SORCS1: variants seen among roughly 807,000 people sequenced by gnomAD.
SORCS1 encodes VPS10 domain-containing receptor SorCS1.
In SORCS1, 60 loss-of-function variants were observed where a neutral mutation model predicts 146.1. The observed-to-expected ratio is 0.41, with a 90% confidence interval of 0.33 to 0.51. The LOEUF (loss-of-function observed/expected upper bound fraction) is 0.51, where lower values mean the gene tolerates loss of function less well. SORCS1 is among the 20% of genes least tolerant of loss of function. The pLI is 0.21. For missense variants in SORCS1, 1,352 were observed against 1,487.6 expected (o/e 0.91, Z 1.50); for synonymous variants, 637 against 584.0 (o/e 1.09, Z -1.31).
intron 18 of SORCS1, among the ~76,000 whole-genome samples, chr10:106,644,889 T>C (rs1849311427): frequency 6.6e-6 from 1 of 152,208 alleles, no homozygotes; most frequent in Non-Finnish European, 1.5e-5. Flanking sequence ...GTTTAGATTG[T>C]TTCCAGTGAG....
chr10:107,017,917 T>C (rs750687869), intron 1 of SORCS1, among the ~76,000 whole-genome samples: 6 of 152,162 alleles, frequency 3.9e-5, no homozygotes, highest in Admixed American at 6.5e-5. Flanking sequence ...CCACCAGCCT[T>C]GGCCTCCCAA....
In SORCS1 at chr10:106,700,090, CT is replaced by C. The variant is rs546127695; in HGVS notation, c.1234-698del. 1.2e-3 allele frequency among the ~76,000 whole-genome samples: 183 copies of C among 152,154 alleles called. 1 individual carries two copies. The highest frequency in any genetic ancestry group is 2.8e-3 in the Admixed American group (42 of 15,268). On this transcript the variant is annotated intron_variant, in intron 8 of 25. Transcript: ENST00000263054. ...ACTTAGCTGCTTATCAAAATCTAAA[CT>C]GAGAGGTTCTGCAGGAATCCTCCAG...
chr10:107,024,088 C>T (rs1199737608), intron 1 of SORCS1, among the ~76,000 whole-genome samples: 5 of 148,768 alleles, frequency 3.4e-5, no homozygotes, highest in African/African-American at 1.2e-4. Context: ...ACAGGAGAAT[C>T]GCTTGAATCC....
chr10:106,658,295 G>A (rs1348519614), intron 17 of SORCS1, among the ~76,000 whole-genome samples: 1 of 150,976 alleles, frequency 6.6e-6, no homozygotes. Context: ...TTTCCTACTG[G>A]CAAACTTCTA....
At position 106,960,316 on chromosome 10, in the gene SORCS1, CTTCT is replaced by C. The variant is rs1191054018; in HGVS notation, c.559-3740_559-3737del. Among the ~76,000 whole-genome samples the C allele has an allele frequency of 6.6e-6, 1 of 152,212 alleles. No homozygotes were observed. The highest frequency in any genetic ancestry group is 2.4e-5 in the African/African-American group (1 of 41,460). On this transcript the variant is annotated intron_variant, in intron 1 of 25. Transcript: ENST00000263054. The surrounding 1 kb of genome is among the most constrained non-coding windows in gnomAD (Gnocchi z 4.4). ...TTGCTGTCAGCACATGACATTTGTA[CTTCT>C]TTCACTGTGACTCCTTCTTGCCACA...
chr10:107,119,802 A>G (rs1590181260), intron 1 of SORCS1, among the ~76,000 whole-genome samples: 1 of 152,314 alleles, frequency 6.6e-6, no homozygotes, highest in East Asian at 1.9e-4. Flanking sequence ...TAGATAGGTC[A>G]CAAGTTAAGT....
chr10:106,624,184 T>C (rs1442046225), intron 19 of SORCS1, among the ~76,000 whole-genome samples: 2 of 152,114 alleles, frequency 1.3e-5, no homozygotes, highest in African/African-American at 4.8e-5. Context: ...AGCAGCAACC[T>C]GAATAAAGTG....
intron 1 of SORCS1, among the ~76,000 whole-genome samples, chr10:107,130,858 G>A (rs188678613): frequency 6.6e-6 from 1 of 151,620 alleles, no homozygotes; most frequent in African/African-American, 2.4e-5. Context: ...CCTTCAAAAT[G>A]TTGTGTAACC....
chr10:106,971,594 A>C (rs1394501443), intron 1 of SORCS1, among the ~76,000 whole-genome samples: 1 of 152,260 alleles, frequency 6.6e-6, no homozygotes, highest in East Asian at 1.9e-4. Flanking sequence ...TAAATGTTAC[A>C]CATAATTCAA....
At chr10:106,946,870 T>C (rs1252272640) in intron 2 of SORCS1, among the ~76,000 whole-genome samples, 1 of 152,212 alleles carries the variant, frequency 6.6e-6, no homozygotes, top group Admixed American at 6.5e-5. Context: ...TGGCATGGCA[T>C]ACAGGTAGGT....
intron 1 of SORCS1, among the ~76,000 whole-genome samples, chr10:107,110,571 C>T (rs1347052637): frequency 2.6e-5 from 4 of 152,080 alleles, no homozygotes; most frequent in African/African-American, 7.2e-5. Flanking sequence ...ACAAAGATAG[C>T]ATCAAGCCAT....
intron 1 of SORCS1, among the ~76,000 whole-genome samples, chr10:107,018,899 G>A (rs1392964866): frequency 6.6e-6 from 1 of 152,160 alleles, no homozygotes; most frequent in Non-Finnish European, 1.5e-5. Context: ...AAATAATCTA[G>A]GCTTTTAACA....
chr10:106,583,803 C>A (rs142886626), intron 24 of SORCS1, among the ~76,000 whole-genome samples: 2,935 of 152,090 alleles, frequency 0.019, 50 homozygotes, highest in Non-Finnish European at 0.027. Context: ...GCCATTGCAC[C>A]CGGTCCCCCT....
intron 1 of SORCS1, among the ~76,000 whole-genome samples, chr10:107,047,291 C>G (rs1959595834): frequency 6.6e-6 from 1 of 152,136 alleles, no homozygotes; most frequent in East Asian, 1.9e-4. Context: ...GCCCAGCCAG[C>G]ATTCTGTTTT....
intron 2 of SORCS1, among the ~76,000 whole-genome samples, chr10:106,917,112 T>C (rs1348951009): frequency 1.3e-5 from 2 of 152,202 alleles, no homozygotes; most frequent in Non-Finnish European, 2.9e-5. Context: ...TGAAGTATGA[T>C]GTTCTTGGAG....
intron 21 of SORCS1, among the ~76,000 whole-genome samples, chr10:106,612,780 C>T (rs139114013): frequency 1.8e-4 from 27 of 152,272 alleles, no homozygotes; most frequent in Non-Finnish European, 3.1e-4. Flanking sequence ...CCTATCTTTG[C>T]AGCCTTTGCC....
At chr10:106,609,871 C>T (rs1437805917) in intron 22 of SORCS1, among the ~76,000 whole-genome samples, 1 of 152,178 alleles carries the variant, frequency 6.6e-6, no homozygotes, top group African/African-American at 2.4e-5. Flanking sequence ...TTGGTTGATA[C>T]ATCACCTGGG....
intron 9 of SORCS1, among the ~76,000 whole-genome samples, chr10:106,697,464 T>C (rs1964865): frequency 6.6e-6 from 1 of 150,626 alleles, no homozygotes; most frequent in Non-Finnish European, 1.5e-5. Flanking sequence ...TCAAAATAAA[T>C]AAATAAATAA....
At chr10:106,899,932 A>T (rs1951638421) in intron 2 of SORCS1, among the ~76,000 whole-genome samples, 1 of 151,770 alleles carries the variant, frequency 6.6e-6, no homozygotes, top group African/African-American at 2.4e-5. Context: ...TATATATTAT[A>T]TACGTATATG....
Sources: gnomAD v4.1 joint callset for allele counts (sites outside exome capture counted in the v4.1 genomes callset) on GRCh38, gnomAD v4.1.1 for gene constraint, Gnocchi (gnomAD v3.1) non-coding constraint, MANE v1.5 for transcripts, NCBI Gene and HGNC (gene_info 2026-07-23, HGNC 2026-07-21) for gene names.